The following ERC2 variants were observed in gnomAD, a reference collection of about 807,000 sequenced individuals.
ERC2 encodes ELKS/RAB6-interacting/CAST family member 2.
Under a neutral mutation model 114.8 loss-of-function variants are expected in ERC2, and 42 were observed. The ratio of observed to expected loss-of-function variants is 0.37; its 90% CI spans 0.29 to 0.47. The LOEUF is 0.47. ERC2 is among the 20% of genes least tolerant of loss of function. The pLI, the probability that ERC2 is intolerant of heterozygous loss-of-function variation, is 0.99. For synonymous variants in ERC2, 454 were observed against 425.5 expected (o/e 1.07, Z -0.82); for missense variants, 939 against 1,150.7 (o/e 0.82, Z 2.66).
At chr3:56,029,025 T>C (rs528926902) in intron 7 of ERC2, among the ~76,000 whole-genome samples, 1 of 152,230 alleles carries the variant, frequency 6.6e-6, no homozygotes, top group African/African-American at 2.4e-5. Flanking sequence ...GGTATTGAAT[T>C]GTGTAAAGTG....
At chr3:55,521,113 T>G (rs778732219) in intron 17 of ERC2, among the ~76,000 whole-genome samples, 2 of 152,236 alleles carry the variant, frequency 1.3e-5, no homozygotes, top group Non-Finnish European at 2.9e-5. Context: ...CCCGCCTCAC[T>G]GAGGTGGAAT....
chr3:55,865,855 CA>C (rs753068068), intron 14 of ERC2, among the ~76,000 whole-genome samples: 27 of 152,136 alleles, frequency 1.8e-4, no homozygotes, highest in Non-Finnish European at 3.2e-4. Flanking sequence ...CATTCAACAT[CA>C]ATTCATCCAT....
chr3:55,713,722 C>T (rs1173060822), intron 15 of ERC2, among the ~76,000 whole-genome samples: 1 of 152,204 alleles, frequency 6.6e-6, no homozygotes, highest in Non-Finnish European at 1.5e-5. Context: ...CACAGCCTAG[C>T]TCCTCTGGCA....
intron 3 of ERC2, among the ~76,000 whole-genome samples, chr3:56,277,157 A>G (rs1188461170): frequency 6.6e-6 from 1 of 152,202 alleles, no homozygotes; most frequent in East Asian, 1.9e-4. Context: ...TGAATGAATG[A>G]GTTCTCTCGC....
At chr3:55,859,515 C>T (rs2149259085) in intron 14 of ERC2, among the ~76,000 whole-genome samples, 1 of 152,156 alleles carries the variant, frequency 6.6e-6, no homozygotes, top group African/African-American at 2.4e-5. Flanking sequence ...CAGGCTGCTC[C>T]TAATGAATAA....
intron 14 of ERC2, among the ~76,000 whole-genome samples, chr3:55,812,577 T>A (rs141493845): frequency 2.0e-3 from 305 of 151,926 alleles, no homozygotes; most frequent in South Asian, 0.017. Context: ...CAACTACAAG[T>A]GGGAGGAGGT....
intron 12 of ERC2, among the ~76,000 whole-genome samples, chr3:55,971,929 A>T (rs1455056545): frequency 6.6e-6 from 1 of 152,168 alleles, no homozygotes; most frequent in African/African-American, 2.4e-5. Context: ...GTGCTCTACC[A>T]TTTTAATTTA....
intron 14 of ERC2, among the ~76,000 whole-genome samples, chr3:55,880,867 C>T (rs1299570165): frequency 6.6e-6 from 1 of 151,636 alleles, no homozygotes; most frequent in African/African-American, 2.4e-5. Context: ...TTAGTGTATG[C>T]TAACTGTAAT....
At chr3:56,240,402 A>G (rs2150202172) in intron 3 of ERC2, among the ~76,000 whole-genome samples, 1 of 152,354 alleles carries the variant, frequency 6.6e-6, no homozygotes, top group South Asian at 2.1e-4. Context: ...TAATTTTTTA[A>G]AAAAGCATTT....
intron 3 of ERC2, among the ~76,000 whole-genome samples, chr3:56,231,903 A>G (rs2050643473): frequency 6.6e-6 from 1 of 152,160 alleles, no homozygotes; most frequent in African/African-American, 2.4e-5. Context: ...TTGCCTCCAC[A>G]CAAAATGAGG....
At chr3:56,456,928 G>A (rs144218236) in intron 1 of ERC2, among the ~76,000 whole-genome samples, 7 of 150,218 alleles carry the variant, frequency 4.7e-5, no homozygotes, top group Non-Finnish European at 7.4e-5. Flanking sequence ...CAGTGCTACT[G>A]TATAATGTAC....
intron 2 of ERC2, among the ~76,000 whole-genome samples, chr3:56,350,860 CT>C (rs1315329907): frequency 2.0e-5 from 3 of 152,164 alleles, no homozygotes; most frequent in African/African-American, 7.2e-5. Context: ...CACATTCAGT[CT>C]TGGTGCAAAG....
intron 16 of ERC2, among the ~76,000 whole-genome samples, chr3:55,692,727 G>C (rs2148807591): frequency 6.6e-6 from 1 of 152,340 alleles, no homozygotes; most frequent in Admixed American, 6.5e-5. Context: ...CTCTGAAGCA[G>C]AGTATAGGTT....
intron 3 of ERC2, among the ~76,000 whole-genome samples, chr3:56,271,983 T>A (rs2053684811): frequency 1.3e-5 from 2 of 152,168 alleles, no homozygotes; most frequent in African/African-American, 4.8e-5. Context: ...ATTTTCTATA[T>A]CCAGTCTACC....
intron 17 of ERC2, among the ~76,000 whole-genome samples, chr3:55,554,401 A>G (rs1185996831): frequency 1.3e-5 from 2 of 152,230 alleles, no homozygotes; most frequent in African/African-American, 4.8e-5. Context: ...AAGGCCTTTC[A>G]GGCATTTTCC....
intron 14 of ERC2, among the ~76,000 whole-genome samples, chr3:55,774,563 G>T (rs991496237): frequency 1.3e-5 from 2 of 152,226 alleles, no homozygotes; most frequent in Non-Finnish European, 2.9e-5. Context: ...ACAAAAGGAG[G>T]CATTTGTATT....
At chr3:55,727,843 T>C (rs1177136008) in intron 15 of ERC2, among the ~76,000 whole-genome samples, 1 of 152,114 alleles carries the variant, frequency 6.6e-6, no homozygotes, top group African/African-American at 2.4e-5. Context: ...GGAATAAAAG[T>C]CCAAAATTGC....
chr3:55,927,675 T>C (rs1225297764), intron 13 of ERC2, among the ~76,000 whole-genome samples: 1 of 152,178 alleles, frequency 6.6e-6, no homozygotes, highest in Non-Finnish European at 1.5e-5. Flanking sequence ...TGTCGTGTTA[T>C]CAAATACTAG....
intron 14 of ERC2, among the ~76,000 whole-genome samples, chr3:55,816,432 T>C (rs1411520345): frequency 2.0e-5 from 3 of 152,186 alleles, no homozygotes; most frequent in Non-Finnish European, 4.4e-5. Context: ...TTTAACCACT[T>C]TGGGCATCTT....
Sources: allele counts gnomAD v4.1 joint callset (sites outside exome capture counted in the v4.1 genomes callset), GRCh38; gene constraint gnomAD v4.1.1; transcripts MANE v1.5; gene names NCBI Gene and HGNC (gene_info 2026-07-23, HGNC 2026-07-21).